Variants in GRIN2A observed in about 807,000 individuals in gnomAD.
GRIN2A encodes the protein glutamate ionotropic receptor NMDA type subunit 2A, also known as glutamate receptor ionotropic, NMDA 2A.
A neutral mutation model predicts 113.4 loss-of-function variants in GRIN2A; 22 were observed. The observed-to-expected ratio is 0.19, with a 90% CI of 0.14 to 0.28. The LOEUF (loss-of-function observed/expected upper bound fraction) is 0.28. GRIN2A is among the 10% of genes least tolerant of loss of function. GRIN2A has a pLI of 1.00. For synonymous variants in GRIN2A, 827 were observed against 738.4 expected (o/e 1.12, Z -1.94); for missense variants, 1,502 against 1,887.0 (o/e 0.80, Z 3.78).
At chr16:9,826,423 C>G (rs750474768) in intron 9 of GRIN2A, among the ~76,000 whole-genome samples, 4 of 152,178 alleles carry the variant, frequency 2.6e-5, no homozygotes, top group South Asian at 2.1e-4. Flanking sequence ...CCCAGCTCAT[C>G]TGAGCACACC....
intron 2 of GRIN2A, among the ~76,000 whole-genome samples, chr16:9,988,424 C>T (rs953457268): frequency 1.3e-5 from 2 of 152,010 alleles, no homozygotes; most frequent in African/African-American, 4.8e-5. Flanking sequence ...AACCATTTTC[C>T]AAAATCAAGC....
chr16:9,942,678 C>G (rs931263001), intron 2 of GRIN2A, among the ~76,000 whole-genome samples: 1 of 152,186 alleles, frequency 6.6e-6, no homozygotes, highest in Non-Finnish European at 1.5e-5. Flanking sequence ...ATCCCCACCA[C>G]CCCATGCAAA....
intron 2 of GRIN2A, among the ~76,000 whole-genome samples, chr16:10,164,973 T>C (rs1245024605): frequency 6.6e-6 from 1 of 152,332 alleles, no homozygotes; most frequent in East Asian, 1.9e-4. Flanking sequence ...ATTAGAAGTG[T>C]CCAGTGATTC....
At position 10,180,289 on chromosome 16, in the gene GRIN2A, A is replaced by G. The variant is rs760480441; in HGVS notation, c.123T>C (p.Gly41=). The G allele has an allele frequency of 6.8e-6, 11 of 1,612,600 alleles. No individual in the cohort carries two copies. In the South Asian group the frequency reaches 1.2e-4, roughly 18 times the overall value. ...CGCGCTCTGTCACGTCGTGGCTGTG[A>G]CCCAGCATCACCGCAATATTTAGCG... is the stretch of plus-strand genomic sequence containing the variant. ...PPALNIAVML[G]HSHDVTEREL... The change falls in exon 2 of 13, where the codon GGT becomes GGC. Residue 41 remains glycine, a synonymous_variant. Coordinates refer to ENST00000330684, the MANE Select transcript of GRIN2A (RefSeq NM_001134407.3). This position sits in a 1 kb window ranked among gnomAD's most constrained non-coding sequence, Gnocchi z 7.0.
chr16:10,021,613 C>A (rs1001964238), intron 2 of GRIN2A, among the ~76,000 whole-genome samples: 2 of 152,140 alleles, frequency 1.3e-5, no homozygotes, highest in Non-Finnish European at 2.9e-5. Flanking sequence ...GAAGCAAGCC[C>A]TTTCTCAGGA....
At chr16:10,023,821 G>C (rs1381743771) in intron 2 of GRIN2A, among the ~76,000 whole-genome samples, 1 of 152,166 alleles carries the variant, frequency 6.6e-6, no homozygotes, top group Non-Finnish European at 1.5e-5. Context: ...TCCCCCAATA[G>C]CCCAGGGAGG....
rs190581051 is a variant in GRIN2A at position 9,998,829 on chromosome 16, C to A, written c.415-60278G>T. ...CAATAGTCACAAATACTCCTCCTCCCCCTCCTGCAAAAACTTTTCAGGTCA... is the reference window on the plus strand; with the variant it reads ...CAATAGTCACAAATACTCCTCCTCCACCTCCTGCAAAAACTTTTCAGGTCA... On this transcript the variant is annotated intron_variant, in intron 2 of 12. Coordinates refer to ENST00000330684, the MANE Select transcript of GRIN2A (RefSeq NM_001134407.3). Among the ~76,000 whole-genome samples, 436 of 152,188 alleles carry A rather than the reference C, an allele frequency of 2.9e-3. 5 individuals are homozygous for A. The highest frequency in any genetic ancestry group is 9.9e-3 in the African/African-American group (410 of 41,540).
At chr16:10,047,736 T>C (rs1205070640) in intron 2 of GRIN2A, among the ~76,000 whole-genome samples, 1 of 152,214 alleles carries the variant, frequency 6.6e-6, no homozygotes, top group East Asian at 1.9e-4. Flanking sequence ...TGAGAGTTAA[T>C]ATATCCTTTT....
At chr16:9,884,220 G>C (rs1420181464) in intron 4 of GRIN2A, among the ~76,000 whole-genome samples, 1 of 152,100 alleles carries the variant, frequency 6.6e-6, no homozygotes, top group Non-Finnish European at 1.5e-5. Flanking sequence ...TGTGTATATA[G>C]GTGTATGCAT....
At chr16:10,022,432 A>G (rs2046742953) in intron 2 of GRIN2A, among the ~76,000 whole-genome samples, 1 of 152,100 alleles carries the variant, frequency 6.6e-6, no homozygotes, top group Non-Finnish European at 1.5e-5. Context: ...CCTTCTGTCT[A>G]GAATGTCTTC....
chr16:10,176,405 A>G (rs1455849691), intron 2 of GRIN2A, among the ~76,000 whole-genome samples: 1 of 152,180 alleles, frequency 6.6e-6, no homozygotes, highest in Admixed American at 6.5e-5. Flanking sequence ...ACAAAAATCC[A>G]CCACATTTGC....
chr16:10,177,258 G>A (rs914672056), intron 2 of GRIN2A, among the ~76,000 whole-genome samples: 1 of 152,188 alleles, frequency 6.6e-6, no homozygotes, highest in Non-Finnish European at 1.5e-5. Flanking sequence ...TACATCCCCA[G>A]TTTCTCAAAA....
At chr16:9,914,577 A>C (rs1051159420) in intron 3 of GRIN2A, among the ~76,000 whole-genome samples, 1 of 152,202 alleles carries the variant, frequency 6.6e-6, no homozygotes, top group African/African-American at 2.4e-5. Flanking sequence ...ACTATCTTCA[A>C]CGCATACGCA....
At chr16:9,973,645 A>T (rs1190524023) in intron 2 of GRIN2A, among the ~76,000 whole-genome samples, 2 of 152,226 alleles carry the variant, frequency 1.3e-5, no homozygotes, top group Non-Finnish European at 2.9e-5. Flanking sequence ...GATGAAAATC[A>T]AAAGAAAGAA....
chr16:9,956,276 T>A (rs1038817193), intron 2 of GRIN2A, among the ~76,000 whole-genome samples: 5 of 152,210 alleles, frequency 3.3e-5, no homozygotes, highest in Non-Finnish European at 7.3e-5. Context: ...ATTTTAAACC[T>A]CTACCTATAA....
chr16:9,939,840 A>G (rs972898179), intron 2 of GRIN2A, among the ~76,000 whole-genome samples: 4 of 152,170 alleles, frequency 2.6e-5, no homozygotes, highest in Non-Finnish European at 5.9e-5. Flanking sequence ...AACAGAAGGT[A>G]TGCCTCTGTG....
At position 9,761,604 on chromosome 16, in the gene GRIN2A, C is replaced by T. The variant is rs887186960; in HGVS notation, c.*1545G>A. 4.4e-6 allele frequency: 1 copy of T among 229,694 alleles called. No homozygotes were observed. The highest frequency in any genetic ancestry group is 2.2e-5 in the African/African-American group (1 of 45,168). The allele number at this position is 229,694 out of a possible 1,614,324, so 14.2% of individuals were successfully genotyped here. A position where few individuals can be genotyped will look rare whatever the true frequency, so the allele number is the denominator to read the frequency against. ...AATTTTTAAACTAGAAAATCCTGATCTGAGAAAGTGTCATAACATAGCAAC... is the reference window on the plus strand; with the variant it reads ...AATTTTTAAACTAGAAAATCCTGATTTGAGAAAGTGTCATAACATAGCAAC... On this transcript the variant is annotated 3_prime_UTR_variant, in exon 13 of 13. Transcript: ENST00000330684.
chr16:10,151,017 G>A (rs551638659), intron 2 of GRIN2A, among the ~76,000 whole-genome samples: 12 of 152,262 alleles, frequency 7.9e-5, no homozygotes, highest in African/African-American at 2.4e-4. Flanking sequence ...AAAGTTTCCC[G>A]AGGAGATGAC....
chr16:10,116,318 G>T (rs2048727604), intron 2 of GRIN2A, among the ~76,000 whole-genome samples: 1 of 152,164 alleles, frequency 6.6e-6, no homozygotes. Flanking sequence ...GTCTGTTGGT[G>T]GTGGGGAAGG....
Sources: gnomAD v4.1 joint callset for allele counts (sites outside exome capture counted in the v4.1 genomes callset) on GRCh38, gnomAD v4.1.1 for gene constraint, Gnocchi (gnomAD v3.1) non-coding constraint, MANE v1.5 for transcripts, NCBI Gene and HGNC (gene_info 2026-07-23, HGNC 2026-07-21) for gene names.